Variants in OLA1 observed in about 807,000 individuals in gnomAD.
OLA1 encodes obg-like ATPase 1.
Under a neutral mutation model 48.4 loss-of-function variants are expected in OLA1, and 14 were observed. The observed-to-expected ratio is 0.29, with a 90% CI of 0.19 to 0.45. The LOEUF (loss-of-function observed/expected upper bound fraction) is 0.45, where lower values mean the gene tolerates loss of function less well. Ranked by LOEUF, OLA1 falls within the 20% of genes least tolerant of loss-of-function variation. The pLI, the probability that OLA1 is intolerant of heterozygous loss-of-function variation, is 1.00. For synonymous variants in OLA1, 127 were observed against 150.4 expected (o/e 0.84, Z 1.14); for missense variants, 325 against 467.1 (o/e 0.70, Z 2.80).
At chr2:174,217,777 G>A (rs1559010394) in intron 4 of OLA1, 2 of 151,926 alleles carry the variant, frequency 1.3e-5, no homozygotes, top group South Asian at 2.1e-4. Flanking sequence ...CATAGTATAC[G>A]CTCTTTTTTT....
At chr2:174,084,511 A>C (rs1295694971) in intron 7 of OLA1, among the ~76,000 whole-genome samples, 5 of 152,224 alleles carry the variant, frequency 3.3e-5, no homozygotes, top group Non-Finnish European at 7.3e-5. Flanking sequence ...TACATCTATG[A>C]AATAAACCTA....
intron 2 of OLA1, 72 bp downstream of exon 2, chr2:174,246,643 G>A (rs1229609806): frequency 1.6e-5 from 15 of 962,410 alleles, no homozygotes; most frequent in Non-Finnish European, 2.3e-5. Context: ...ATTACCTCAC[G>A]GTTCCCATTT....
At chr2:174,075,682 C>T (rs771718461) in intron 10 of OLA1, among the ~76,000 whole-genome samples, 155 bp from the exon 11 acceptor site, 26 of 152,202 alleles carry the variant, frequency 1.7e-4, no homozygotes, top group Middle Eastern at 3.4e-3. Context: ...CAAAACTAGA[C>T]TTGGAGAGAA....
intron 7 of OLA1, 48 bp downstream of exon 7, chr2:174,123,132 G>T: frequency 2.4e-6 from 2 of 827,910 alleles, no homozygotes; most frequent in African/African-American, 1.7e-5. Context: ...GTGTTTGTGT[G>T]TGTACAGAGA....
At chr2:174,197,430 T>C (rs955262296) in intron 4 of OLA1, among the ~76,000 whole-genome samples, 15 of 103,738 alleles carry the variant, frequency 1.4e-4, no homozygotes, top group Non-Finnish European at 2.1e-4. Flanking sequence ...TGTTGGTTTG[T>C]TGTTTTTTTT....
intron 4 of OLA1, among the ~76,000 whole-genome samples, chr2:174,155,543 T>C (rs1686856193): frequency 1.3e-5 from 2 of 152,218 alleles, no homozygotes. Flanking sequence ...ACAAGAAATT[T>C]CTTGTTATCT....
intron 4 of OLA1, among the ~76,000 whole-genome samples, chr2:174,178,452 C>G (rs1687466350): frequency 6.6e-6 from 1 of 151,906 alleles, no homozygotes; most frequent in Non-Finnish European, 1.5e-5. Flanking sequence ...ATCACCAGTT[C>G]CAAAGCCTCA....
At chr2:174,240,551 T>C (rs1167539270) in intron 2 of OLA1, 2 of 151,422 alleles carry the variant, frequency 1.3e-5, no homozygotes, top group Non-Finnish European at 2.9e-5. Context: ...AGAACTCATA[T>C]CCAGAATAAA....
At chr2:174,141,092 C>A (rs1488141493) in intron 5 of OLA1, among the ~76,000 whole-genome samples, 1 of 152,102 alleles carries the variant, frequency 6.6e-6, no homozygotes, top group African/African-American at 2.4e-5. Context: ...CCACCACACC[C>A]AGCTAATTTT....
At chr2:174,148,082 T>C (rs1686655110) in intron 4 of OLA1, among the ~76,000 whole-genome samples, 1 of 152,128 alleles carries the variant, frequency 6.6e-6, no homozygotes, top group Non-Finnish European at 1.5e-5. Flanking sequence ...CCTTTTTAAG[T>C]CACTTTTTAA....
chr2:174,169,130 A>G (rs1341765990), intron 4 of OLA1, among the ~76,000 whole-genome samples: 1 of 152,056 alleles, frequency 6.6e-6, no homozygotes, highest in Non-Finnish European at 1.5e-5. Context: ...TATCTTTAGT[A>G]GAGATGGGGT....
At chr2:174,155,242 C>T (rs1686846718) in intron 4 of OLA1, among the ~76,000 whole-genome samples, 1 of 151,536 alleles carries the variant, frequency 6.6e-6, no homozygotes, top group African/African-American at 2.4e-5. Flanking sequence ...CACAACAGGC[C>T]CAAAAAAGGG....
chr2:174,187,992 G>A (rs1287563331), intron 4 of OLA1, among the ~76,000 whole-genome samples: 1 of 152,176 alleles, frequency 6.6e-6, no homozygotes, highest in Non-Finnish European at 1.5e-5. Flanking sequence ...TACCTTCAGA[G>A]TCTGTCAGCA....
At chr2:174,095,511 C>T (rs184300766) in intron 7 of OLA1, among the ~76,000 whole-genome samples, 24 of 151,878 alleles carry the variant, frequency 1.6e-4, no homozygotes, top group Admixed American at 8.5e-4. Context: ...TCAAGTCCTC[C>T]GCTCTTGTTT....
chr2:174,195,898 C>T (rs34848436), intron 4 of OLA1, among the ~76,000 whole-genome samples: 18,148 of 152,034 alleles, frequency 0.12, 1,380 homozygotes, highest in East Asian at 0.22. Flanking sequence ...CCATTAGTCC[C>T]GAAACATGTT....
intron 2 of OLA1, among the ~76,000 whole-genome samples, chr2:174,237,325 C>A (rs773613323): frequency 9.9e-5 from 15 of 152,078 alleles, no homozygotes; most frequent in Non-Finnish European, 1.0e-4. Flanking sequence ...CAATAACACA[C>A]ATGGAGCTGT....
chr2:174,134,365 G>A (rs752712420), intron 5 of OLA1, among the ~76,000 whole-genome samples: 1 of 152,102 alleles, frequency 6.6e-6, no homozygotes, highest in Admixed American at 6.6e-5. Context: ...TTTGATAGAC[G>A]TACACTTTGT....
Position 174,075,256 on chromosome 2 carries a change from G to T in OLA1, c.*170C>A, listed in dbSNP as rs1063613. The T allele has an allele frequency of 2.7e-6, 1 of 373,800 alleles. No individual in the cohort carries two copies. Among genetic ancestry groups the T allele is most frequent in the South Asian group, 3.2e-5 (1 of 31,466 alleles). The allele number at this position is 373,800 out of a possible 1,614,324, so 23.2% of individuals were successfully genotyped here. A position where few individuals can be genotyped will look rare whatever the true frequency, so the allele number is the denominator to read the frequency against. ...CATTTAGTGAACCTGCATTTCATGGGGGGGGGGGGGTACACAGTATTTTAA... is the reference window on the plus strand; with the variant it reads ...CATTTAGTGAACCTGCATTTCATGGTGGGGGGGGGGTACACAGTATTTTAA... On this transcript the variant is annotated 3_prime_UTR_variant, in exon 11 of 11. Transcript: ENST00000284719.
rs998183674 is a variant in OLA1, at chr2:174,124,500, C to T, written c.550-825G>A. Among the ~76,000 whole-genome samples the T allele has an allele frequency of 2.0e-5, 3 of 152,134 alleles. No individual in the cohort carries two copies. The South Asian group carries it at 6.2e-4, about 32-fold the overall frequency. On this transcript the variant is annotated intron_variant, in intron 5 of 10. Transcript: ENST00000284719. ...GTGACACAAACTGAACCCTTCAAGCCTTTCCTCATCAGTTTTGTGGTTCTG... is the reference window on the plus strand; with the variant it reads ...GTGACACAAACTGAACCCTTCAAGCTTTTCCTCATCAGTTTTGTGGTTCTG...
Sources: gnomAD v4.1 joint callset for allele counts (sites outside exome capture counted in the v4.1 genomes callset) on GRCh38, gnomAD v4.1.1 for gene constraint, MANE v1.5 for transcripts, NCBI Gene and HGNC (gene_info 2026-07-23, HGNC 2026-07-21) for gene names.